GRB2: variants seen among roughly 807,000 people sequenced by gnomAD.
The protein encoded by GRB2 is growth factor receptor bound protein 2.
GRB2 carries 2 observed loss-of-function variants against 27.4 expected under a neutral mutation model. The ratio of observed to expected loss-of-function variants is 0.07; its 90% CI spans 0.03 to 0.23. The LOEUF is 0.23. Among genes scored for constraint, GRB2 ranks in the 10% least tolerant of loss-of-function variants. The pLI, the probability that GRB2 is intolerant of heterozygous loss-of-function variation, is 1.00. For missense variants in GRB2, 102 were observed against 282.4 expected (o/e 0.36, Z 4.58); for synonymous variants, 94 against 99.6 (o/e 0.94, Z 0.33).
intron 2 of GRB2, among the ~76,000 whole-genome samples, chr17:75,346,477 T>C (rs985501361): frequency 4.0e-5 from 6 of 151,014 alleles, no homozygotes; most frequent in Admixed American, 6.6e-5. Context: ...GCCTGGGCAA[T>C]AGAGTGAGAC....
At position 75,320,654 on chromosome 17, in the gene GRB2, AT is replaced by A. The variant is rs2078452479; in HGVS notation, c.469-102del. 1.3e-6 allele frequency: 1 copy of A among 799,764 alleles called. No individual in the cohort carries two copies. The highest frequency in any genetic ancestry group is 1.6e-5 in the South Asian group (1 of 62,524). The allele number at this position is 799,764 out of a possible 1,614,324, so 49.5% of individuals were successfully genotyped here. On this transcript the variant is annotated intron_variant, in intron 5 of 5. Coordinates refer to ENST00000316804, the MANE Select transcript of GRB2 (RefSeq NM_002086.5). This position sits in a 1 kb window ranked among gnomAD's most constrained non-coding sequence, Gnocchi z 4.3. Reference sequence around the variant, plus strand: ...CCAGGGGGAAACGAATGCGTGCCAAATTCTCCATGTTTCTTAAACTCACCTC... The same window carrying A: ...CCAGGGGGAAACGAATGCGTGCCAAATCTCCATGTTTCTTAAACTCACCTC...
intron 2 of GRB2, among the ~76,000 whole-genome samples, chr17:75,347,998 A>G (rs12950752): frequency 0.62 from 93,938 of 152,122 alleles, 33,280 homozygotes; most frequent in East Asian, 0.87. Flanking sequence ...AACTACTTGG[A>G]AGAAGAAAAC....
At chr17:75,374,172 G>A (rs535316664) in intron 2 of GRB2, among the ~76,000 whole-genome samples, 36 of 151,702 alleles carry the variant, frequency 2.4e-4, no homozygotes, top group African/African-American at 8.2e-4. Flanking sequence ...TTGGGAGGCC[G>A]AGGCAGGCGG....
At chr17:75,345,055 T>A (rs2078646173) in intron 2 of GRB2, among the ~76,000 whole-genome samples, 1 of 151,946 alleles carries the variant, frequency 6.6e-6, no homozygotes, top group South Asian at 2.1e-4. Flanking sequence ...TTATTATTAT[T>A]ATTTTTGAGA....
rs561167797 is a variant in GRB2 at position 75,386,902 on chromosome 17, G to A, written c.78+6649C>T. Among the ~76,000 whole-genome samples, 3 of 152,192 alleles carry A rather than the reference G, an allele frequency of 2.0e-5. No homozygotes were observed. In the South Asian group the frequency reaches 6.2e-4, roughly 32 times the overall value. On this transcript the variant is annotated intron_variant, in intron 2 of 5. Transcript: ENST00000316804. ...TTAAGAATGCCGATCTTGGCCAGGC[G>A]CGGTGGCTCACGCCTGTAACCCCAG...
intron 2 of GRB2, among the ~76,000 whole-genome samples, chr17:75,339,679 T>C (rs1598225389): frequency 6.7e-6 from 1 of 150,152 alleles, no homozygotes; most frequent in South Asian, 2.1e-4. Flanking sequence ...CAGGCTGGAG[T>C]GCAATGGCGC....
At chr17:75,395,715 TGA>T (rs2079025150) in intron 1 of GRB2, among the ~76,000 whole-genome samples, 1 of 152,202 alleles carries the variant, frequency 6.6e-6, no homozygotes, top group South Asian at 2.1e-4. Context: ...GCCTGAAAGG[TGA>T]AGATTTAGTT....
rs61764595 is a variant in GRB2, at chr17:75,395,144, T to C, written c.-137-1379A>G. Among the ~76,000 whole-genome samples, 521 of 152,302 alleles carry C rather than the reference T, an allele frequency of 3.4e-3. 5 individuals carry two copies. The highest frequency in any genetic ancestry group is 0.012 in the African/African-American group (502 of 41,566). On this transcript the variant is annotated intron_variant, in intron 1 of 5. Transcript: ENST00000316804. ...TGACAATTGGGGCACTAATCAAGCA[T>C]AGCTGCAAATGGACCAAGTAGTAAA... is the stretch of plus-strand genomic sequence containing the variant.
chr17:75,320,602 C>A lies in GRB2; in HGVS notation c.469-49G>T. 6.8e-7 allele frequency: 1 copy of A among 1,460,142 alleles called. No individual in the cohort carries two copies. Among genetic ancestry groups the A allele is most frequent in the Non-Finnish European group, 9.6e-7 (1 of 1,044,378 alleles). 90.4% of individuals were successfully genotyped at this position (1,460,142 alleles called of 1,614,324 possible). ...CCCACATTGCATTCCTGGTCTGTGA[C>A]TGGCCACCTCCGAGGCCAGATGGGT... is the stretch of plus-strand genomic sequence containing the variant. On this transcript the variant is annotated intron_variant, in intron 5 of 5. Transcript: ENST00000316804. The surrounding 1 kb of genome is among the most constrained non-coding windows in gnomAD (Gnocchi z 4.3).
intron 2 of GRB2, among the ~76,000 whole-genome samples, chr17:75,389,844 C>CAAAAAAAT (rs1279435589): frequency 2.6e-5 from 4 of 151,376 alleles, no homozygotes; most frequent in Non-Finnish European, 1.5e-5. Flanking sequence ...GACTCCATCT[C>CAAAAAAAT]AAAAAAATAA....
intron 4 of GRB2, among the ~76,000 whole-genome samples, chr17:75,324,225 A>G (rs1307731239): frequency 6.6e-6 from 1 of 151,952 alleles, no homozygotes; most frequent in Non-Finnish European, 1.5e-5. Context: ...TGGGAGACAC[A>G]GTCTTACTCT....
intron 3 of GRB2, among the ~76,000 whole-genome samples, chr17:75,327,501 G>A (rs886968045): frequency 2.6e-5 from 4 of 151,908 alleles, no homozygotes; most frequent in African/African-American, 7.3e-5. Flanking sequence ...TTCCCTAGTA[G>A]CTGGGATTAC....
At chr17:75,354,827 T>C (rs1445200786) in intron 2 of GRB2, among the ~76,000 whole-genome samples, 4 of 152,186 alleles carry the variant, frequency 2.6e-5, no homozygotes, top group Non-Finnish European at 5.9e-5. Context: ...TGAATATGAA[T>C]TTTCAGATAG....
rs7223998 is a variant in GRB2, at chr17:75,368,311, G to A, written c.78+25240C>T. The stretch of plus-strand genomic sequence containing the variant: ...GCTCACTGCAAACTCCGCCTCCCAT[G>A]GTCAAGCGATTATCCTGCCTCAGCC... On this transcript the variant is annotated intron_variant, in intron 2 of 5. Transcript: ENST00000316804. 4.3e-3 allele frequency among the ~76,000 whole-genome samples: 645 copies of A among 149,496 alleles called. 5 individuals are homozygous for A. Among genetic ancestry groups the A allele is most frequent in the African/African-American group, 0.015 (603 of 40,876 alleles).
chr17:75,335,255 G>T (rs1231992614), intron 2 of GRB2, among the ~76,000 whole-genome samples: 1 of 152,088 alleles, frequency 6.6e-6, no homozygotes, highest in Non-Finnish European at 1.5e-5. Flanking sequence ...CATAAAGTTG[G>T]TAAAAGATAA....
At chr17:75,354,104 A>C (rs1218116217) in intron 2 of GRB2, among the ~76,000 whole-genome samples, 1 of 152,038 alleles carries the variant, frequency 6.6e-6, no homozygotes, top group African/African-American at 2.4e-5. Flanking sequence ...CATGTCTGGA[A>C]ATGTCTTGAT....
intron 2 of GRB2, among the ~76,000 whole-genome samples, chr17:75,374,277 G>A (rs558714819): frequency 1.3e-3 from 190 of 151,158 alleles, no homozygotes; most frequent in South Asian, 2.7e-3. Context: ...AGTGGCGGGC[G>A]CCTATAATTC....
chr17:75,350,430 T>C (rs1473331042), intron 2 of GRB2, among the ~76,000 whole-genome samples: 1 of 152,174 alleles, frequency 6.6e-6, no homozygotes, highest in African/African-American at 2.4e-5. Context: ...TGAAAGCACA[T>C]CTTGGGGAGA....
rs531927596 is a variant in GRB2, at chr17:75,351,492, T to C, written c.79-18695A>G. 6.1e-4 allele frequency among the ~76,000 whole-genome samples: 92 copies of C among 151,952 alleles called. 1 individual carries two copies. Among genetic ancestry groups the C allele is most frequent in the African/African-American group, 1.9e-3 (80 of 41,424 alleles). On this transcript the variant is annotated intron_variant, in intron 2 of 5. Coordinates refer to ENST00000316804, the MANE Select transcript of GRB2 (RefSeq NM_002086.5). ...AGCCAAGACCTGTCTCTACAAAAAATAGAACAAAAAAGTTAGCTGGGTATA... is the reference window on the plus strand; with the variant it reads ...AGCCAAGACCTGTCTCTACAAAAAACAGAACAAAAAAGTTAGCTGGGTATA...
Sources: gnomAD v4.1 joint callset for allele counts (sites outside exome capture counted in the v4.1 genomes callset) on GRCh38, gnomAD v4.1.1 for gene constraint, Gnocchi (gnomAD v3.1) non-coding constraint, MANE v1.5 for transcripts, NCBI Gene and HGNC (gene_info 2026-07-23, HGNC 2026-07-21) for gene names.